Variants in DIP2C observed in about 807,000 individuals in gnomAD.
The protein encoded by DIP2C is disco-interacting protein 2 homolog C.
A neutral mutation model predicts 192.4 loss-of-function variants in DIP2C; 33 were observed. The ratio of observed to expected loss-of-function variants is 0.17; its 90% CI spans 0.13 to 0.23. The LOEUF is 0.23. DIP2C is among the 10% of genes least tolerant of loss of function. DIP2C has a pLI of 1.00. For missense variants in DIP2C, 1,537 were observed against 2,110.1 expected (o/e 0.73, Z 5.32); for synonymous variants, 979 against 864.1 (o/e 1.13, Z -2.33).
intron 7 of DIP2C, among the ~76,000 whole-genome samples, chr10:414,737 G>GTA (rs1213629573): frequency 3.0e-4 from 17 of 55,810 alleles, no homozygotes; most frequent in East Asian, 1.4e-3. Context: ...GTGTGTGTGT[G>GTA]TGTACATATA....
At chr10:606,084 G>A (rs747143844) in intron 1 of DIP2C, among the ~76,000 whole-genome samples, 4 of 152,240 alleles carry the variant, frequency 2.6e-5, no homozygotes, top group African/African-American at 7.2e-5. Flanking sequence ...GCGCAGCGTG[G>A]AGACCGGGAA....
intron 3 of DIP2C, among the ~76,000 whole-genome samples, chr10:442,059 G>A (rs969467178): frequency 4.6e-5 from 7 of 150,876 alleles, no homozygotes; most frequent in African/African-American, 1.2e-4. Flanking sequence ...AAGAATCTTC[G>A]AGACACAGGC....
intron 1 of DIP2C, among the ~76,000 whole-genome samples, chr10:608,188 C>T (rs1282726521): frequency 6.1e-5 from 3 of 49,058 alleles, no homozygotes; most frequent in Non-Finnish European, 9.5e-5. Flanking sequence ...ACACCCCACA[C>T]ACACAGCCCC....
chr10:294,591 C>T (rs1442559273), intron 32 of DIP2C, among the ~76,000 whole-genome samples: 1 of 145,328 alleles, frequency 6.9e-6, no homozygotes, highest in East Asian at 2.0e-4. Context: ...GATACCCCAT[C>T]TAAAAAAAGA....
chr10:356,274 G>T, intron 24 of DIP2C, 152 bp downstream of exon 24: 1 of 840,902 alleles, frequency 1.2e-6, no homozygotes, highest in East Asian at 2.6e-5. Context: ...ACAATCCCTA[G>T]GTACAAAAGT....
chr10:599,819 A>T (rs919693786), intron 1 of DIP2C, among the ~76,000 whole-genome samples: 5 of 152,186 alleles, frequency 3.3e-5, no homozygotes, highest in Non-Finnish European at 7.3e-5. Context: ...TGTTTTAAGC[A>T]TGAACAGACT....
At chr10:555,658 T>A (rs1848813527) in intron 1 of DIP2C, among the ~76,000 whole-genome samples, 1 of 152,190 alleles carries the variant, frequency 6.6e-6, no homozygotes, top group East Asian at 1.9e-4. Context: ...GGGAACCTCC[T>A]GGCCTGGCAG....
chr10:353,413 G>A (rs1228271386), intron 24 of DIP2C, among the ~76,000 whole-genome samples: 3 of 152,168 alleles, frequency 2.0e-5, no homozygotes, highest in Admixed American at 2.0e-4. Context: ...TTTCGAGATA[G>A]AGTCTTGCTC....
intron 4 of DIP2C, among the ~76,000 whole-genome samples, chr10:424,725 G>A (rs990294062): frequency 4.6e-5 from 7 of 152,128 alleles, no homozygotes; most frequent in Non-Finnish European, 8.8e-5. Flanking sequence ...ACAGCCTTGA[G>A]ACTTTTGAGA....
At chr10:570,528 G>A (rs184009266) in intron 1 of DIP2C, among the ~76,000 whole-genome samples, 7 of 152,126 alleles carry the variant, frequency 4.6e-5, no homozygotes, top group East Asian at 1.9e-4. Context: ...AGAGGCCTGC[G>A]CTCTTCCATC....
At chr10:546,307 T>C (rs1848285160) in intron 1 of DIP2C, among the ~76,000 whole-genome samples, 1 of 151,668 alleles carries the variant, frequency 6.6e-6, no homozygotes, top group South Asian at 2.1e-4. Context: ...AACAAATTTA[T>C]TTTAAAATAA....
intron 5 of DIP2C, among the ~76,000 whole-genome samples, chr10:420,871 C>G (rs973953798): frequency 6.6e-6 from 1 of 152,174 alleles, no homozygotes; most frequent in Non-Finnish European, 1.5e-5. Flanking sequence ...ACTTCTGTCC[C>G]TTGCCGGAGG....
chr10:600,621 C>G (rs1303779012), intron 1 of DIP2C, among the ~76,000 whole-genome samples: 2 of 146,330 alleles, frequency 1.4e-5, no homozygotes, highest in Admixed American at 1.4e-4. Flanking sequence ...TTTCCGGATG[C>G]TCCTCAATGA....
chr10:326,363 A>G (rs1372423724), intron 31 of DIP2C, among the ~76,000 whole-genome samples: 3 of 152,094 alleles, frequency 2.0e-5, no homozygotes, highest in African/African-American at 7.2e-5. Context: ...ACCTTAAGCA[A>G]TCACTCTGGG....
At chr10:630,103 C>T (rs1854430358) in intron 1 of DIP2C, 1 of 152,244 alleles carries the variant, frequency 6.6e-6, no homozygotes, top group Non-Finnish European at 1.5e-5. Context: ...ACTCTAACAA[C>T]CTGTGTTAGG....
chr10:574,544 G>GCACA (rs148677596), intron 1 of DIP2C, among the ~76,000 whole-genome samples: 37 of 114,194 alleles, frequency 3.2e-4, no homozygotes, highest in African/African-American at 1.4e-3. Context: ...TCGTGGTGGG[G>GCACA]CACCCTGATA....
intron 17 of DIP2C, among the ~76,000 whole-genome samples, chr10:380,328 C>CACGCAGAAGAGGCT (rs1962244525): frequency 6.6e-6 from 1 of 151,394 alleles, no homozygotes; most frequent in Admixed American, 6.6e-5. Flanking sequence ...AGATGGTTAA[C>CACGCAGAAGAGGCT]GTGCAGAAGA....
chr10:684,672 G>A (rs1190157217), intron 1 of DIP2C, among the ~76,000 whole-genome samples: 1 of 152,082 alleles, frequency 6.6e-6, no homozygotes, highest in Non-Finnish European at 1.5e-5. Context: ...CCATTCCAAA[G>A]CCACAAATAT....
At chr10:473,671 G>T (rs147389540) in intron 2 of DIP2C, among the ~76,000 whole-genome samples, 54 of 151,552 alleles carry the variant, frequency 3.6e-4, no homozygotes, top group African/African-American at 1.1e-3. Flanking sequence ...ATCCTACGTC[G>T]TCCCCACAGT....
Sources: allele counts gnomAD v4.1 joint callset (sites outside exome capture counted in the v4.1 genomes callset), GRCh38; gene constraint gnomAD v4.1.1; transcripts MANE v1.5; gene names NCBI Gene and HGNC (gene_info 2026-07-23, HGNC 2026-07-21).